The following ACTR3C variants were observed in gnomAD, a reference collection of about 807,000 sequenced individuals.
The protein encoded by ACTR3C is actin related protein 3C, also known as actin-related protein 3C.
In ACTR3C, 18 loss-of-function variants were observed where a neutral mutation model predicts 26.3. That is an observed-to-expected ratio of 0.68 (90% CI 0.47 to 1.01). The LOEUF (loss-of-function observed/expected upper bound fraction) is 1.01. Among genes scored for constraint, ACTR3C ranks in the 50% least tolerant of loss-of-function variants. The pLI, the probability that ACTR3C is intolerant of heterozygous loss-of-function variation, is 0.00. For synonymous variants in ACTR3C, 55 were observed against 94.5 expected, an observed-to-expected ratio of 0.58 and a Z score of 2.42; for missense variants, 184 against 250.7, an observed-to-expected ratio of 0.73 and a Z score of 1.80.
the ACTR3C span, among the ~76,000 whole-genome samples, chr7:150,006,346 G>A: frequency 7.8e-4 from 118 of 150,910 alleles, no homozygotes; most frequent in African/African-American, 2.7e-3. Flanking sequence ...ACAGGCACCC[G>A]CCACCACGCC....
chr7:150,210,049 C>A, the ACTR3C span, among the ~76,000 whole-genome samples: 2 of 151,266 alleles, frequency 1.3e-5, no homozygotes, highest in Non-Finnish European at 2.9e-5. Flanking sequence ...GTAACCCAAT[C>A]AAAAATATGT....
At chr7:149,978,745 T>C in the ACTR3C span, among the ~76,000 whole-genome samples, 366 of 152,156 alleles carry the variant, frequency 2.4e-3, no homozygotes, top group African/African-American at 8.5e-3. Flanking sequence ...ACAGCTTTTG[T>C]GTTTTCTTCC....
At chr7:149,914,470 G>A in the ACTR3C span, among the ~76,000 whole-genome samples, 1 of 151,846 alleles carries the variant, frequency 6.6e-6, no homozygotes, top group Admixed American at 6.6e-5. Context: ...GCACGTGCCT[G>A]CAGTCCCAGC....
chr7:150,122,480 T>C, the ACTR3C span, among the ~76,000 whole-genome samples: 35 of 152,196 alleles, frequency 2.3e-4, no homozygotes, highest in East Asian at 6.2e-3. Context: ...AACAAACATA[T>C]GAAAAAAATC....
the ACTR3C span, among the ~76,000 whole-genome samples, chr7:149,941,257 G>A: frequency 3.3e-5 from 5 of 152,122 alleles, no homozygotes; most frequent in African/African-American, 1.2e-4. Context: ...TCATGATTAC[G>A]TTTTCAGAAG....
chr7:149,975,300 A>G, the ACTR3C span, among the ~76,000 whole-genome samples: 2 of 152,232 alleles, frequency 1.3e-5, no homozygotes, highest in Non-Finnish European at 2.9e-5. Context: ...TAAATTACCA[A>G]AGTATTAAGG....
the ACTR3C span, among the ~76,000 whole-genome samples, chr7:149,912,057 C>T: frequency 6.7e-6 from 1 of 150,254 alleles, no homozygotes; most frequent in Non-Finnish European, 1.5e-5. Flanking sequence ...AAACAAAAAG[C>T]AATTTGTTCT....
the ACTR3C span, among the ~76,000 whole-genome samples, chr7:150,139,506 C>T: frequency 1.4e-3 from 207 of 152,378 alleles, no homozygotes; most frequent in Non-Finnish European, 2.4e-3. Context: ...TGATGAGAGA[C>T]CTAGATAAAT....
chr7:150,111,424 C>T, the ACTR3C span, among the ~76,000 whole-genome samples: 1 of 99,808 alleles, frequency 1.0e-5, no homozygotes. Context: ...TGTGTACACA[C>T]AATCACACAA....
the ACTR3C span, among the ~76,000 whole-genome samples, chr7:149,910,333 C>T: frequency 6.6e-6 from 1 of 152,196 alleles, no homozygotes; most frequent in Non-Finnish European, 1.5e-5. Context: ...ATCTCTTCAT[C>T]ATCTCATTTC....
chr7:150,127,139 GACACACACACACACACACACACACAC>G, the ACTR3C span, among the ~76,000 whole-genome samples: 40 of 129,676 alleles, frequency 3.1e-4, no homozygotes, highest in East Asian at 4.8e-4. Flanking sequence ...CCTACCATTA[GACACACACACACACACACACACACAC>G]ACACACACAC....
At chr7:150,033,822 G>GTAA in the ACTR3C span, among the ~76,000 whole-genome samples, 1 of 146,424 alleles carries the variant, frequency 6.8e-6, no homozygotes, top group Non-Finnish European at 1.5e-5. Context: ...CTGGCTCTCA[G>GTAA]TCCCTGCCTC....
At chr7:150,010,746 C>T in the ACTR3C span, among the ~76,000 whole-genome samples, 1 of 149,174 alleles carries the variant, frequency 6.7e-6, no homozygotes, top group Non-Finnish European at 1.5e-5. Flanking sequence ...CACTGTATAT[C>T]TGCAGAACTG....
the ACTR3C span, among the ~76,000 whole-genome samples, chr7:150,186,069 G>C: frequency 6.6e-6 from 1 of 152,162 alleles, no homozygotes; most frequent in Non-Finnish European, 1.5e-5. Flanking sequence ...TCAGTCCAGA[G>C]CTGGTGGAAG....
At chr7:150,033,952 G>C in the ACTR3C span, among the ~76,000 whole-genome samples, 12 of 148,912 alleles carry the variant, frequency 8.1e-5, no homozygotes, top group South Asian at 2.6e-3. Flanking sequence ...GGTGCAAAGA[G>C]CGAGGGGGGG....
chr7:150,037,833 G>GCAC, the ACTR3C span, among the ~76,000 whole-genome samples: 15 of 70,716 alleles, frequency 2.1e-4, no homozygotes, highest in African/African-American at 6.4e-4. Context: ...CTCAGTCCCT[G>GCAC]CCTCGCGGAG....
the ACTR3C span, among the ~76,000 whole-genome samples, chr7:149,988,722 A>G: frequency 1.3e-5 from 2 of 152,322 alleles, no homozygotes; most frequent in Non-Finnish European, 1.5e-5. Flanking sequence ...GAGTTAATGC[A>G]TCATCCTTTG....
At chr7:150,102,376 TTTGA>T in the ACTR3C span, among the ~76,000 whole-genome samples, 2 of 151,950 alleles carry the variant, frequency 1.3e-5, no homozygotes, top group African/African-American at 2.4e-5. Context: ...ATATAGAATA[TTTGA>T]TTGAATATTC....
At chr7:150,314,533 G>A (rs1325635686) in intron 1 of ACTR3C, among the ~76,000 whole-genome samples, 1 of 152,130 alleles carries the variant, frequency 6.6e-6, no homozygotes, top group East Asian at 1.9e-4. Flanking sequence ...AAAAGACAGG[G>A]AGATGTGTGA....
Sources: gnomAD v4.1 joint callset for allele counts (sites outside exome capture counted in the v4.1 genomes callset) on GRCh38, gnomAD v4.1.1 for gene constraint, MANE v1.5 for transcripts, NCBI Gene and HGNC (gene_info 2026-07-23, HGNC 2026-07-21) for gene names.